The following TAF5 variants were observed in gnomAD, a reference collection of about 807,000 sequenced individuals.
The protein encoded by TAF5 is TATA-box binding protein associated factor 5.
Under a neutral mutation model 80.9 loss-of-function variants are expected in TAF5, and 20 were observed. That is an observed-to-expected ratio of 0.25 (90% CI 0.17 to 0.36). The LOEUF (loss-of-function observed/expected upper bound fraction) is 0.36, where lower values mean the gene tolerates loss of function less well. Among genes scored for constraint, TAF5 ranks in the 10% least tolerant of loss-of-function variants. TAF5 has a pLI of 1.00. For missense variants in TAF5, 863 were observed against 1,029.4 expected (o/e 0.84, Z 2.21); for synonymous variants, 388 against 406.4 (o/e 0.95, Z 0.55).
intron 4 of TAF5, 40 bp downstream of exon 4, chr10:103,379,811 A>G: frequency 6.3e-7 from 1 of 1,596,250 alleles, no homozygotes; most frequent in Non-Finnish European, 8.5e-7. Context: ...TGGAGGTATA[A>G]GACAACATGT....
At position 103,388,324 on chromosome 10, in the gene TAF5, T is replaced by C. The variant is rs1455191320; in HGVS notation, c.*101T>C. The C allele has an allele frequency of 3.8e-6, 4 of 1,048,462 alleles. No individual in the cohort carries two copies. The African/African-American group carries it at 6.4e-5, about 17-fold the overall frequency. 64.9% of individuals were successfully genotyped at this position (1,048,462 alleles called of 1,614,324 possible). A position where few individuals can be genotyped will look rare whatever the true frequency, so the allele number is the denominator to read the frequency against. On this transcript the variant is annotated 3_prime_UTR_variant, in exon 11 of 11. Coordinates refer to ENST00000369839, the MANE Select transcript of TAF5 (RefSeq NM_006951.5). The stretch of plus-strand genomic sequence containing the variant: ...ATATTTAAGCTACAGAGAATGTTTT[T>C]GTCTATATGGATCTGGAAGTATGCT...
chr10:103,378,677 G>A lies in TAF5; in HGVS notation c.1113+127G>A, dbSNP rs2093375119. On this transcript the variant is annotated intron_variant, in intron 3 of 10. Transcript: ENST00000369839. This position sits in a 1 kb window ranked among gnomAD's most constrained non-coding sequence, Gnocchi z 4.1. ...AATTTTTTTCGTTTGTTTGTTTTGA[G>A]ACGGAGTTTTGCTCTTGTCACCCAA... is the stretch of plus-strand genomic sequence containing the variant. 8.6e-7 allele frequency: 1 copy of A among 1,164,802 alleles called. No homozygotes were observed. Among genetic ancestry groups the A allele is most frequent in the South Asian group, 1.6e-5 (1 of 62,466 alleles). 72.2% of individuals were successfully genotyped at this position (1,164,802 alleles called of 1,614,324 possible).
At chr10:103,386,423 G>A (rs2093396467) in intron 8 of TAF5, among the ~76,000 whole-genome samples, 1 of 152,206 alleles carries the variant, frequency 6.6e-6, no homozygotes. Context: ...CTGGATGACA[G>A]AGTGAGACTG....
chr10:103,375,119 CAAAAAA>C (rs914374305), intron 2 of TAF5, among the ~76,000 whole-genome samples: 4 of 80,650 alleles, frequency 5.0e-5, no homozygotes, highest in South Asian at 4.1e-4. Context: ...GACCCTGTCT[CAAAAAA>C]AAAAAAAAAA....
chr10:103,370,325 C>CTTTTTTT (rs758002426), intron 1 of TAF5, among the ~76,000 whole-genome samples: 3 of 88,946 alleles, frequency 3.4e-5, no homozygotes, highest in Non-Finnish European at 6.6e-5. Context: ...GGTTATGAGG[C>CTTTTTTT]TTTTTTTTTT....
intron 6 of TAF5, 51 bp from the exon 7 acceptor site, chr10:103,383,187 A>T: frequency 7.4e-6 from 11 of 1,485,222 alleles, no homozygotes; most frequent in Non-Finnish European, 9.0e-6. Flanking sequence ...ATTACTTTAA[A>T]AGTTTTGATG....
rs1457970148 is a variant in TAF5 at position 103,383,269 on chromosome 10, T to C, written c.1566T>C (p.Asp522=). 1 of 1,598,672 alleles carries C rather than the reference T, an allele frequency of 6.3e-7. No homozygotes were observed. Among genetic ancestry groups the C allele is most frequent in the Admixed American group, 1.8e-5 (1 of 54,062 alleles). The change falls in exon 7 of 11, where the codon GAT becomes GAC. Residue 522 remains aspartate (D), a synonymous_variant. Coordinates refer to ENST00000369839, the MANE Select transcript of TAF5 (RefSeq NM_006951.5). ...GTCTTATAGACAAAGAATCAGATGA[T>C]GTCTTAGAAAGAATCATGGATGAGA... ...DLSLIDKESD[D]VLERIMDEKT... is the part of the protein sequence containing the mutation.
chr10:103,386,638 C>G (rs551510944), intron 8 of TAF5, among the ~76,000 whole-genome samples: 132 of 150,270 alleles, frequency 8.8e-4, no homozygotes, highest in Admixed American at 2.7e-3. Context: ...TTGAATCCAG[C>G]TTGGGCAACA....
intron 8 of TAF5, among the ~76,000 whole-genome samples, chr10:103,386,904 C>A (rs1158585314): frequency 6.6e-6 from 1 of 151,668 alleles, no homozygotes; most frequent in Non-Finnish European, 1.5e-5. Context: ...ACCTCGTGAT[C>A]TGCATGCCTC....
chr10:103,380,493 A>G (rs1347989450), intron 5 of TAF5, among the ~76,000 whole-genome samples: 1 of 152,192 alleles, frequency 6.6e-6, no homozygotes, highest in East Asian at 1.9e-4. Flanking sequence ...CACAGAATAG[A>G]TAGAAGTCAA....
intron 6 of TAF5, 45 bp from the exon 7 acceptor site, chr10:103,383,193 T>G (rs201820525): frequency 6.7e-7 from 1 of 1,495,444 alleles, no homozygotes; most frequent in Non-Finnish European, 8.9e-7. Flanking sequence ...TTAAAAGTTT[T>G]GATGAATGTA....
In TAF5 at chr10:103,387,552, A is replaced by G. The variant is rs777066027; in HGVS notation, c.2039A>G (p.Asn680Ser). 183 of 1,613,938 alleles carry G rather than the reference A, an allele frequency of 1.1e-4. 3 individuals are homozygous for G. The South Asian group carries it at 1.7e-3, about 15-fold the overall frequency. Residue 680 changes from asparagine to serine, a missense_variant, in exon 10 of 11, where the codon AAT (asparagine) becomes AGT (serine). Physicochemically the swap from Asn to Ser is conservative, Grantham distance 46. Around this residue, in one of 3 missense-constraint regions of TAF5, gnomAD observed 368 missense variants for 461.7 expected, o/e 0.80. Transcript: ENST00000369839. ...ATTCATTCCTTGACATTTTCTCCCA[A>G]TGGGAGATTCCTGGCTACAGGAGCA... ...GPIHSLTFSP[N>S]GRFLATGATD...
At chr10:103,382,382 G>A (rs1376955638) in intron 6 of TAF5, among the ~76,000 whole-genome samples, 1 of 151,874 alleles carries the variant, frequency 6.6e-6, no homozygotes, top group Non-Finnish European at 1.5e-5. Context: ...CCACCACCAT[G>A]CCCAGGTAAT....
In TAF5 at chr10:103,368,467, G is replaced by T; in HGVS notation, c.478G>T (p.Ala160Ser). The change falls in exon 1 of 11, where the codon GCC becomes TCC. Residue 160 changes from alanine to serine, a missense_variant. Physicochemically the swap from Ala to Ser is moderately conservative, Grantham distance 99. This residue lies in a region of TAF5 where 367 missense variants were observed against 335.5 expected (regional missense o/e 1.09). Transcript: ENST00000369839. ...RVTASAPGPA[A>S]PDPPGTGASG... The stretch of plus-strand genomic sequence containing the variant: ...GACCGCCTCGGCCCCTGGCCCTGCG[G>T]CCCCCGACCCTCCGGGCACTGGCGC... The T allele has an allele frequency of 6.3e-7, 1 of 1,583,104 alleles. No homozygotes were observed.
rs901626203 is a variant in TAF5, at chr10:103,388,571, A to G, written c.*348A>G. 1.7e-5 allele frequency: 3 copies of G among 178,190 alleles called. No homozygotes were observed. Among genetic ancestry groups the G allele is most frequent in the African/African-American group, 4.8e-5 (2 of 42,008 alleles). The allele number at this position is 178,190 out of a possible 1,614,324, so 11.0% of individuals were successfully genotyped here. A position where few individuals can be genotyped will look rare whatever the true frequency, so the allele number is the denominator to read the frequency against. ...TCATCCTGCTTCAAGATTCAAATTC[A>G]GAAATATACTATCATCTTGAATTTT... On this transcript the variant is annotated 3_prime_UTR_variant, in exon 11 of 11. Coordinates refer to ENST00000369839, the MANE Select transcript of TAF5 (RefSeq NM_006951.5).
At chr10:103,370,902 A>G (rs2093358052) in intron 1 of TAF5, among the ~76,000 whole-genome samples, 1 of 152,140 alleles carries the variant, frequency 6.6e-6, no homozygotes, top group African/African-American at 2.4e-5. Context: ...CATACATAGC[A>G]TTGTATTCAT....
In TAF5 at chr10:103,374,459, G is replaced by A. The variant is rs145665676; in HGVS notation, c.797+864G>A. Among the ~76,000 whole-genome samples the A allele has an allele frequency of 6.6e-6, 1 of 152,302 alleles. No homozygotes were observed. Among genetic ancestry groups the A allele is most frequent in the African/African-American group, 2.4e-5 (1 of 41,574 alleles). ...ACATCAGTGTGCCAGTCAGCAGGTA[G>A]GGCACACGGAAACTGCACACACTTC... On this transcript the variant is annotated intron_variant, in intron 2 of 10. Coordinates refer to ENST00000369839, the MANE Select transcript of TAF5 (RefSeq NM_006951.5). This position sits in a 1 kb window ranked among gnomAD's most constrained non-coding sequence, Gnocchi z 4.3.
chr10:103,387,988 C>T lies in TAF5; in HGVS notation c.2186-18C>T, dbSNP rs763802549. ...ATATGATGGATGCAACTAATGGTTT[C>T]CTTTGACTTCCCCTTAGGTTCAATG... On this transcript the variant is annotated intron_variant, in intron 10 of 10. Coordinates refer to ENST00000369839, the MANE Select transcript of TAF5 (RefSeq NM_006951.5). The T allele has an allele frequency of 3.7e-6, 6 of 1,603,148 alleles. No individual in the cohort carries two copies. In the Admixed American group the frequency reaches 8.4e-5, roughly 22 times the overall value.
intron 1 of TAF5, 114 bp from the exon 2 acceptor site, chr10:103,373,242 TGG>T (rs1028181757): frequency 7.1e-5 from 53 of 744,976 alleles, no homozygotes; most frequent in Non-Finnish European, 9.1e-5. Context: ...GAAGAGACAG[TGG>T]GAAGAAAGAG....
Sources: allele counts gnomAD v4.1 joint callset (sites outside exome capture counted in the v4.1 genomes callset), GRCh38; gene constraint gnomAD v4.1.1; regional missense constraint gnomAD v4.1.1; non-coding constraint Gnocchi (gnomAD v3.1); transcripts MANE v1.5; gene names NCBI Gene and HGNC (gene_info 2026-07-23, HGNC 2026-07-21).